INVS: variants seen among roughly 807,000 people sequenced by gnomAD.
INVS encodes the protein inversion of embryo turning homolog.
A neutral mutation model predicts 108.8 loss-of-function variants in INVS; 86 were observed. That is an observed-to-expected ratio of 0.79 (90% CI 0.66 to 0.95). The LOEUF (loss-of-function observed/expected upper bound fraction) is 0.95, where lower values mean the gene tolerates loss of function less well. INVS is among the 40% of genes least tolerant of loss of function. INVS has a pLI of 0.00. For missense variants in INVS, 1,169 were observed against 1,297.4 expected (o/e 0.90, Z 1.52); for synonymous variants, 455 against 473.5 (o/e 0.96, Z 0.51).
At chr9:100,191,850 GT>G (rs1830231903) in intron 3 of INVS, among the ~76,000 whole-genome samples, 1 of 152,032 alleles carries the variant, frequency 6.6e-6, no homozygotes, top group Admixed American at 6.6e-5. Context: ...ATTCAACTGT[GT>G]TTTTTAATTT....
chr9:100,227,579 A>C (rs930216888), intron 4 of INVS, among the ~76,000 whole-genome samples: 1 of 152,194 alleles, frequency 6.6e-6, no homozygotes, highest in Non-Finnish European at 1.5e-5. Context: ...TTTTATCTGA[A>C]ATAAAGTGTG....
intron 3 of INVS, among the ~76,000 whole-genome samples, chr9:100,165,349 T>C (rs1829328069): frequency 6.6e-6 from 1 of 152,168 alleles, no homozygotes; most frequent in Non-Finnish European, 1.5e-5. Flanking sequence ...ATGTTAACAA[T>C]TAGTGGTGCT....
At chr9:100,145,703 C>G (rs1214100192) in intron 3 of INVS, among the ~76,000 whole-genome samples, 2 of 152,054 alleles carry the variant, frequency 1.3e-5, no homozygotes, top group Non-Finnish European at 2.9e-5. Context: ...CCCGTGTGGT[C>G]AGACACCTCT....
At chr9:100,222,941 A>G (rs754061104) in intron 3 of INVS, among the ~76,000 whole-genome samples, 4 of 152,026 alleles carry the variant, frequency 2.6e-5, no homozygotes, top group Admixed American at 1.3e-4. Context: ...ACAAGTCCAG[A>G]TAAATGATGT....
intron 10 of INVS, among the ~76,000 whole-genome samples, chr9:100,264,618 C>CA (rs36049678): frequency 0.2 from 25,544 of 127,112 alleles, 2,748 homozygotes; most frequent in African/African-American, 0.34. Context: ...AACTCCGTCT[C>CA]AAAAAAAAAA....
intron 5 of INVS, among the ~76,000 whole-genome samples, chr9:100,231,905 TC>T (rs750969107): frequency 6.6e-6 from 1 of 152,178 alleles, no homozygotes; most frequent in Non-Finnish European, 1.5e-5. Context: ...TATTTCTGGT[TC>T]TAGATCCTTG....
intron 5 of INVS, among the ~76,000 whole-genome samples, chr9:100,233,426 A>G (rs1831576340): frequency 6.6e-6 from 1 of 152,136 alleles, no homozygotes; most frequent in South Asian, 2.1e-4. Flanking sequence ...GAGTGGTGAG[A>G]GAGGGTATCC....
At chr9:100,129,726 A>G (rs772840093) in intron 3 of INVS, 9 of 707,818 alleles carry the variant, frequency 1.3e-5, no homozygotes, top group Non-Finnish European at 2.1e-5. Context: ...CAATCATTCA[A>G]AGAAGAGAAA....
At chr9:100,285,577 C>A (rs1176579173) in intron 13 of INVS, among the ~76,000 whole-genome samples, 6 of 152,136 alleles carry the variant, frequency 3.9e-5, no homozygotes, top group Admixed American at 1.3e-4. Flanking sequence ...GGACACAAAG[C>A]AAAATGAGCA....
chr9:100,184,568 A>G (rs1336313259), intron 3 of INVS, among the ~76,000 whole-genome samples: 1 of 152,180 alleles, frequency 6.6e-6, no homozygotes, highest in Non-Finnish European at 1.5e-5. Context: ...AGGTTTGTGC[A>G]TGTCTGTGCA....
intron 3 of INVS, among the ~76,000 whole-genome samples, chr9:100,202,136 G>A (rs896410637): frequency 1.3e-5 from 2 of 151,070 alleles, no homozygotes; most frequent in African/African-American, 2.4e-5. Context: ...CTGCAGATGT[G>A]CACTGAACTT....
chr9:100,226,363 A>C, intron 4 of INVS, 128 bp downstream of exon 4: 8 of 732,208 alleles, frequency 1.1e-5, no homozygotes, highest in Non-Finnish European at 1.6e-5. Context: ...CCAAATCTCC[A>C]TACATCTCAG....
chr9:100,155,960 G>T (rs1489180589), intron 3 of INVS, among the ~76,000 whole-genome samples: 1 of 152,176 alleles, frequency 6.6e-6, no homozygotes, highest in African/African-American at 2.4e-5. Flanking sequence ...TAGAAGTAAT[G>T]ACTAACCCCA....
chr9:100,264,822 G>A lies in INVS; in HGVS notation c.1465G>A (p.Gly489Arg). ...NADPNIQDKE[G>R]RTALHWSCNN... ...ACTTGATTTTTGTTTATGCTTATAG[G>A]GAAGAACAGCTTTGCATTGGTCCTG... The change falls in exon 11 of 17, where the codon GGA becomes AGA. Residue 489 changes from glycine to arginine, a missense_variant and splice_region_variant. Around this residue, in one of 3 missense-constraint regions of INVS, gnomAD observed 271 missense variants for 363.8 expected, o/e 0.74. Coordinates refer to ENST00000262457, the MANE Select transcript of INVS (RefSeq NM_014425.5). The A allele has an allele frequency of 6.2e-7, 1 of 1,607,898 alleles. No individual in the cohort carries two copies. Among genetic ancestry groups the A allele is most frequent in the Non-Finnish European group, 8.5e-7 (1 of 1,174,450 alleles).
At chr9:100,280,406 A>G (rs757830719) in intron 12 of INVS, among the ~76,000 whole-genome samples, 1 of 152,140 alleles carries the variant, frequency 6.6e-6, no homozygotes, top group Non-Finnish European at 1.5e-5. Context: ...AGAGCTGCAA[A>G]ATTGCTCTAA....
intron 3 of INVS, among the ~76,000 whole-genome samples, chr9:100,168,898 AG>A (rs1453620929): frequency 1.3e-5 from 2 of 152,240 alleles, no homozygotes; most frequent in Non-Finnish European, 2.9e-5. Flanking sequence ...ATACAAATCC[AG>A]GTTGGTTCTT....
chr9:100,216,333 C>T (rs1473251155), intron 3 of INVS, among the ~76,000 whole-genome samples: 3 of 152,176 alleles, frequency 2.0e-5, no homozygotes, highest in Admixed American at 6.5e-5. Context: ...GTCATTACCA[C>T]TCAGTCTCCT....
At chr9:100,237,825 G>T (rs1284621415) in intron 5 of INVS, among the ~76,000 whole-genome samples, 1 of 152,026 alleles carries the variant, frequency 6.6e-6, no homozygotes, top group African/African-American at 2.4e-5. Context: ...TTGTCCTCTT[G>T]ACTCCCTTTA....
intron 2 of INVS, among the ~76,000 whole-genome samples, chr9:100,118,596 G>T (rs574673842): frequency 1.3e-5 from 2 of 152,186 alleles, no homozygotes; most frequent in Admixed American, 1.3e-4. Context: ...TAGGTTGAAA[G>T]CTTTGGGTTT....
Sources: gnomAD v4.1 joint callset for allele counts (sites outside exome capture counted in the v4.1 genomes callset) on GRCh38, gnomAD v4.1.1 for gene constraint, gnomAD v4.1.1 regional missense constraint, MANE v1.5 for transcripts, NCBI Gene and HGNC (gene_info 2026-07-23, HGNC 2026-07-21) for gene names.